Variants in SGCZ observed in about 807,000 individuals in gnomAD.
The protein encoded by SGCZ is zeta-sarcoglycan.
SGCZ carries 40 observed loss-of-function variants against 41.3 expected under a neutral mutation model. The observed-to-expected ratio is 0.97, with a 90% CI of 0.75 to 1.26. SGCZ has a LOEUF of 1.26. Ranked by LOEUF, SGCZ falls within the 50% of genes most tolerant of loss-of-function variation. The pLI is 0.00. For synonymous variants in SGCZ, 206 were observed against 137.5 expected (o/e 1.50, Z -3.49); for missense variants, 552 against 369.8 (o/e 1.49, Z -4.04).
chr8:14,914,943 C>G lies in SGCZ; in HGVS notation c.39+322642G>C, dbSNP rs188843124. ...ATTTGGCCACCAACACTGCAAAAAC[C>G]CTTGCAAGCAAAAGGTGGATTCGGA... On this transcript the variant is annotated intron_variant, in intron 1 of 7. Transcript: ENST00000382080. 7.9e-5 allele frequency among the ~76,000 whole-genome samples: 12 copies of G among 152,248 alleles called. No homozygotes were observed. In the East Asian group the frequency reaches 2.3e-3, roughly 30 times the overall value.
chr8:14,294,775 T>C (rs912198269), intron 3 of SGCZ, among the ~76,000 whole-genome samples: 2 of 152,054 alleles, frequency 1.3e-5, no homozygotes, highest in African/African-American at 4.8e-5. Flanking sequence ...CAAAGATATC[T>C]ATCATCTAAA....
At chr8:14,665,337 T>C (rs974544222) in intron 1 of SGCZ, among the ~76,000 whole-genome samples, 7 of 152,194 alleles carry the variant, frequency 4.6e-5, no homozygotes, top group African/African-American at 1.7e-4. Flanking sequence ...ACAAAGGACA[T>C]GAACTCATCA....
intron 2 of SGCZ, among the ~76,000 whole-genome samples, chr8:14,514,025 G>T (rs1802539983): frequency 6.6e-6 from 1 of 152,060 alleles, no homozygotes; most frequent in Non-Finnish European, 1.5e-5. Flanking sequence ...AAATATTTTG[G>T]ACTTTGATGA....
intron 2 of SGCZ, among the ~76,000 whole-genome samples, chr8:14,394,840 T>C (rs372876981): frequency 2.6e-5 from 4 of 152,252 alleles, no homozygotes; most frequent in African/African-American, 9.6e-5. Flanking sequence ...TGTTGGAAAA[T>C]GTTGGAACCA....
intron 5 of SGCZ, among the ~76,000 whole-genome samples, chr8:14,138,455 G>C (rs1187189726): frequency 2.0e-5 from 3 of 149,640 alleles, no homozygotes; most frequent in Non-Finnish European, 4.4e-5. Context: ...CACGTGCAGA[G>C]ACACACATAG....
chr8:14,399,366 A>T (rs971539649), intron 2 of SGCZ, among the ~76,000 whole-genome samples: 7 of 152,090 alleles, frequency 4.6e-5, no homozygotes, highest in Non-Finnish European at 1.0e-4. Context: ...CTGGGCATCC[A>T]CTTGCTCTTC....
chr8:14,862,030 T>C (rs1001265751), intron 1 of SGCZ, among the ~76,000 whole-genome samples: 3 of 151,960 alleles, frequency 2.0e-5, no homozygotes, highest in Non-Finnish European at 4.4e-5. Flanking sequence ...AAAAAAATAG[T>C]CTGTAGTAAC....
At position 14,813,722 on chromosome 8, in the gene SGCZ, T is replaced by C. The variant is rs188210449; in HGVS notation, c.40-258796A>G. On this transcript the variant is annotated intron_variant, in intron 1 of 7. Coordinates refer to ENST00000382080, the MANE Select transcript of SGCZ (RefSeq NM_139167.4). The stretch of plus-strand genomic sequence containing the variant: ...ATCCCAACACTTTCGGAGAGGGAGG[T>C]GGGCAGATCACCTGAGTTCAAGAGT... Among the ~76,000 whole-genome samples, 35 of 151,974 alleles carry C rather than the reference T, an allele frequency of 2.3e-4. No individual in the cohort carries two copies. In the East Asian group the frequency reaches 6.4e-3, roughly 28 times the overall value.
intron 2 of SGCZ, among the ~76,000 whole-genome samples, chr8:14,507,663 C>T (rs1317844122): frequency 6.6e-6 from 1 of 152,136 alleles, no homozygotes; most frequent in Non-Finnish European, 1.5e-5. Flanking sequence ...TGTCGATGTA[C>T]TTTCTGCATG....
chr8:14,186,517 C>A (rs73217588), intron 4 of SGCZ, among the ~76,000 whole-genome samples: 9,991 of 152,204 alleles, frequency 0.066, 437 homozygotes, highest in East Asian at 0.11. Context: ...GGGTCCAGGC[C>A]ACGATAGGCT....
chr8:14,359,069 A>C (rs1480535449), intron 2 of SGCZ, among the ~76,000 whole-genome samples: 1 of 152,170 alleles, frequency 6.6e-6, no homozygotes, highest in Non-Finnish European at 1.5e-5. Flanking sequence ...TTGTTATTTT[A>C]AAATATATTG....
At chr8:15,161,819 G>C (rs1799519357) in intron 1 of SGCZ, among the ~76,000 whole-genome samples, 1 of 152,120 alleles carries the variant, frequency 6.6e-6, no homozygotes, top group Non-Finnish European at 1.5e-5. Flanking sequence ...TAGATCACTT[G>C]AGGCCAGGAG....
intron 2 of SGCZ, among the ~76,000 whole-genome samples, chr8:14,470,203 G>C (rs1801175445): frequency 6.6e-6 from 1 of 151,988 alleles, no homozygotes; most frequent in East Asian, 1.9e-4. Context: ...CGCAACGTTT[G>C]GTAACAGAAA....
At chr8:14,556,851 T>C (rs1804049095) in intron 1 of SGCZ, among the ~76,000 whole-genome samples, 1 of 152,114 alleles carries the variant, frequency 6.6e-6, no homozygotes, top group Non-Finnish European at 1.5e-5. Flanking sequence ...GCATTTGGGC[T>C]GGTTCCATAT....
intron 1 of SGCZ, among the ~76,000 whole-genome samples, chr8:15,110,940 T>C (rs7830724): frequency 0.48 from 72,439 of 151,722 alleles, 18,130 homozygotes; most frequent in African/African-American, 0.64. Flanking sequence ...TGCACTCCAG[T>C]CTGGGCAAAA....
At chr8:14,956,964 G>A (rs1800812642) in intron 1 of SGCZ, among the ~76,000 whole-genome samples, 1 of 151,786 alleles carries the variant, frequency 6.6e-6, no homozygotes. Flanking sequence ...TATACAGACA[G>A]AAACACACAC....
At chr8:14,948,957 T>C (rs1256702136) in intron 1 of SGCZ, among the ~76,000 whole-genome samples, 1 of 152,060 alleles carries the variant, frequency 6.6e-6, no homozygotes, top group Non-Finnish European at 1.5e-5. Flanking sequence ...GTCTCTTGTG[T>C]TCTCTTTTCC....
At chr8:14,381,171 T>C (rs1360199062) in intron 2 of SGCZ, among the ~76,000 whole-genome samples, 1 of 152,236 alleles carries the variant, frequency 6.6e-6, no homozygotes, top group African/African-American at 2.4e-5. Flanking sequence ...TATGGATGGC[T>C]GTGTTAATTA....
chr8:14,433,606 T>C (rs1034156119), intron 2 of SGCZ, among the ~76,000 whole-genome samples: 1 of 152,146 alleles, frequency 6.6e-6, no homozygotes, highest in Non-Finnish European at 1.5e-5. Flanking sequence ...TCTAATTTCT[T>C]GATGGATAAT....
Sources: gnomAD v4.1 joint callset for allele counts (sites outside exome capture counted in the v4.1 genomes callset) on GRCh38, gnomAD v4.1.1 for gene constraint, MANE v1.5 for transcripts, NCBI Gene and HGNC (gene_info 2026-07-23, HGNC 2026-07-21) for gene names.